The following PON3 variants were observed in gnomAD, a reference collection of about 807,000 sequenced individuals.
The protein encoded by PON3 is serum paraoxonase/lactonase 3.
Under a neutral mutation model 36.3 loss-of-function variants are expected in PON3, and 37 were observed. The ratio of observed to expected loss-of-function variants is 1.02; its 90% confidence interval spans 0.78 to 1.34. The LOEUF (loss-of-function observed/expected upper bound fraction) is 1.34, where lower values mean the gene tolerates loss of function less well. Among genes scored for constraint, PON3 ranks in the 40% most tolerant of loss-of-function variants. PON3 has a pLI of 0.00. For missense variants in PON3, 415 were observed against 426.5 expected (o/e 0.97, Z 0.24); for synonymous variants, 155 against 154.8 (o/e 1.00, Z -0.01).
rs939738835 is a variant in PON3, at chr7:95,360,001, A to C, written c.1037T>G (p.Phe346Cys). ...YHGKILIGTV[F>C]HKTLYCEL ...GAGCTCACAGTACAGAGTTTTGTGA[A>C]ATACGGTGCCTATGAGAATTTTCCC... Residue 346 changes from phenylalanine (F) to cysteine (C), a missense_variant, in exon 9 of 9, where the codon TTT becomes TGT. Phe to Cys is a radical substitution (Grantham distance 205). Transcript: ENST00000265627. 1 of 1,613,316 alleles carries C rather than the reference A, an allele frequency of 6.2e-7. No individual in the cohort carries two copies. Among genetic ancestry groups the C allele is most frequent in the Non-Finnish European group, 8.5e-7 (1 of 1,179,822 alleles).
intron 4 of PON3, among the ~76,000 whole-genome samples, chr7:95,370,743 CTA>C (rs1166363884): frequency 1.3e-5 from 2 of 152,060 alleles, no homozygotes; most frequent in African/African-American, 4.8e-5. Context: ...ATATTGGAAA[CTA>C]TTGTTTTTAA....
At chr7:95,376,642 T>TCA (rs1808918583) in intron 3 of PON3, among the ~76,000 whole-genome samples, 1 of 143,922 alleles carries the variant, frequency 6.9e-6, no homozygotes, top group African/African-American at 2.7e-5. Context: ...CCAGTGAAAA[T>TCA]TAAAAAAAAA....
chr7:95,380,697 C>A (rs1809031058), intron 3 of PON3, among the ~76,000 whole-genome samples: 1 of 152,106 alleles, frequency 6.6e-6, no homozygotes, highest in Non-Finnish European at 1.5e-5. Context: ...AAATATGGGA[C>A]TATGTGAAAA....
chr7:95,381,170 C>G lies in PON3; in HGVS notation c.202-8832G>C, dbSNP rs946841111. ...CAAATGCAGAGAAATTTGGTCACCA[C>G]CAGGCCTGCCCTACAAGAGCTCCTG... On this transcript the variant is annotated intron_variant, in intron 3 of 8. Transcript: ENST00000265627. Among the ~76,000 whole-genome samples, 7 of 152,146 alleles carry G rather than the reference C, an allele frequency of 4.6e-5. No individual in the cohort carries two copies. In the East Asian group the frequency reaches 1.3e-3, roughly 29 times the overall value.
At chr7:95,389,634 T>C (rs568720341) in intron 3 of PON3, among the ~76,000 whole-genome samples, 57 of 152,298 alleles carry the variant, frequency 3.7e-4, no homozygotes, top group Middle Eastern at 3.4e-3. Flanking sequence ...ATGCAGTCTG[T>C]TCTCTATTTC....
At chr7:95,385,783 C>T (rs1320118495) in intron 3 of PON3, among the ~76,000 whole-genome samples, 3 of 152,014 alleles carry the variant, frequency 2.0e-5, no homozygotes, top group Non-Finnish European at 4.4e-5. Context: ...TACACAACTA[C>T]ATGGAAACTG....
intron 3 of PON3, among the ~76,000 whole-genome samples, chr7:95,389,133 G>C (rs749172715): frequency 6.6e-6 from 1 of 151,908 alleles, no homozygotes; most frequent in Non-Finnish European, 1.5e-5. Flanking sequence ...GGTCAACAAG[G>C]AAAAAACTTT....
chr7:95,367,751 C>T (rs1808730861), intron 4 of PON3, among the ~76,000 whole-genome samples: 1 of 152,136 alleles, frequency 6.6e-6, no homozygotes, highest in African/African-American at 2.4e-5. Context: ...GTCACTTCAC[C>T]CTTATATGCA....
At chr7:95,389,525 C>T (rs1029796978) in intron 3 of PON3, among the ~76,000 whole-genome samples, 1 of 152,104 alleles carries the variant, frequency 6.6e-6, no homozygotes, top group African/African-American at 2.4e-5. Context: ...TGAAAAATTT[C>T]AACATCTCAT....
Position 95,363,972 on chromosome 7 carries a change from T to A in PON3, c.586A>T (p.Ile196Phe). Residue 196 changes from isoleucine (I) to phenylalanine (F), a missense_variant, in exon 6 of 9, where the codon ATC becomes TTC. By Grantham distance (21) the Ile-to-Phe change is conservative. Transcript: ENST00000265627. ...TNSLLSFFEM[I>F]LDLRWTYVLF... ...ACATAAGTCCAGCGAAGATCCAAGA[T>A]CATCTCAAAAAATGACAGGAGGGAG... 1.2e-6 allele frequency: 2 copies of A among 1,613,754 alleles called. No individual in the cohort carries two copies. The highest frequency in any genetic ancestry group is 1.7e-6 in the Non-Finnish European group (2 of 1,179,736).
In PON3 at chr7:95,390,952, A is replaced by G. The variant is rs17878893; in HGVS notation, c.146-743T>C. ...AGCCCCCAGGATACCTTCCTCTGAG[A>G]CTTTCCCACACACTTATTAGCCTAT... On this transcript the variant is annotated intron_variant, in intron 2 of 8. Coordinates refer to ENST00000265627, the MANE Select transcript of PON3 (RefSeq NM_000940.3). Among the ~76,000 whole-genome samples, 520 of 152,264 alleles carry G rather than the reference A, an allele frequency of 3.4e-3. 4 individuals are homozygous for G. Among genetic ancestry groups the G allele is most frequent in the African/African-American group, 0.012 (493 of 41,550 alleles).
chr7:95,393,580 G>A lies in PON3; in HGVS notation c.145+1064C>T, dbSNP rs17885861. ...TAAGCAGGTGTGGCATTAACTAGTA[G>A]GTGAGATTAGCCCATGTCTCACGTA... On this transcript the variant is annotated intron_variant, in intron 2 of 8. Coordinates refer to ENST00000265627, the MANE Select transcript of PON3 (RefSeq NM_000940.3). Among the ~76,000 whole-genome samples the A allele has an allele frequency of 6.8e-4, 104 of 152,302 alleles. 1 individual carries two copies. Among genetic ancestry groups the A allele is most frequent in the Non-Finnish European group, 1.2e-3 (82 of 68,030 alleles).
At chr7:95,372,395 T>C in intron 3 of PON3, 57 bp from the exon 4 acceptor site, 6 of 1,558,816 alleles carry the variant, frequency 3.8e-6, no homozygotes, top group Non-Finnish European at 5.3e-6. Flanking sequence ...AATATTTTCA[T>C]AAGGAATTTA....
At chr7:95,390,060 A>T in intron 3 of PON3, 94 bp downstream of exon 3, 1 of 1,289,652 alleles carries the variant, frequency 7.8e-7, no homozygotes, top group Non-Finnish European at 1.1e-6. Flanking sequence ...GGATGAGAGC[A>T]TAGGGATCCA....
chr7:95,374,062 G>A (rs919891145), intron 3 of PON3, among the ~76,000 whole-genome samples: 4 of 152,128 alleles, frequency 2.6e-5, no homozygotes, highest in African/African-American at 7.2e-5. Context: ...GATGATCTGA[G>A]GTAGAACAGT....
intron 8 of PON3, 118 bp from the exon 9 acceptor site, chr7:95,360,249 T>C: frequency 1.0e-6 from 1 of 963,890 alleles, no homozygotes; most frequent in Non-Finnish European, 1.6e-6. Flanking sequence ...AAAATCTGTA[T>C]ATCTTCAATA....
chr7:95,383,843 G>GA (rs1201943183), intron 3 of PON3, among the ~76,000 whole-genome samples: 1 of 152,130 alleles, frequency 6.6e-6, no homozygotes, highest in Non-Finnish European at 1.5e-5. Flanking sequence ...CACAGAATTG[G>GA]AAAAAACTAC....
chr7:95,374,900 C>T (rs1469491024), intron 3 of PON3, among the ~76,000 whole-genome samples: 2 of 152,064 alleles, frequency 1.3e-5, no homozygotes, highest in African/African-American at 4.8e-5. Flanking sequence ...TCACTCTATA[C>T]TCTTTCCTTG....
chr7:95,379,390 C>T (rs1053556216), intron 3 of PON3, among the ~76,000 whole-genome samples: 6 of 152,198 alleles, frequency 3.9e-5, no homozygotes, highest in African/African-American at 1.2e-4. Flanking sequence ...GAGTGTGAGC[C>T]GAAGCAGGGT....
Sources: gnomAD v4.1 joint callset for allele counts (sites outside exome capture counted in the v4.1 genomes callset) on GRCh38, gnomAD v4.1.1 for gene constraint, MANE v1.5 for transcripts, NCBI Gene and HGNC (gene_info 2026-07-23, HGNC 2026-07-21) for gene names.